The following MSRA variants were observed in gnomAD, a reference collection of about 807,000 sequenced individuals.
MSRA encodes the protein mitochondrial peptide methionine sulfoxide reductase.
In MSRA, 54 loss-of-function variants were observed where a neutral mutation model predicts 31.3. The ratio of observed to expected loss-of-function variants is 1.73; its 90% CI spans 1.39 to 2.17. The LOEUF (loss-of-function observed/expected upper bound fraction) is 2.17, where lower values mean the gene tolerates loss of function less well. MSRA is among the 30% of genes most tolerant of loss of function. The pLI, the probability that MSRA is intolerant of heterozygous loss-of-function variation, is 0.00. For missense variants in MSRA, 507 were observed against 300.9 expected (o/e 1.69, Z -5.07); for synonymous variants, 169 against 116.5 (o/e 1.45, Z -2.90).
rs149490507 is a variant in MSRA, at chr8:10,233,280, A to G, written c.212-11824A>G. ...GCTTCTCTCTTCTTGCCTTCTGCCC[A>G]AGGTGACACACCCATGTGTGTGCAA... On this transcript the variant is annotated intron_variant, in intron 2 of 5. Transcript: ENST00000317173. Among the ~76,000 whole-genome samples the G allele has an allele frequency of 7.8e-3, 1,193 of 152,296 alleles. 20 individuals carry two copies. The highest frequency in any genetic ancestry group is 0.027 in the African/African-American group (1,109 of 41,554).
chr8:10,396,709 A>G (rs545444542), intron 5 of MSRA, among the ~76,000 whole-genome samples: 1 of 152,266 alleles, frequency 6.6e-6, no homozygotes, highest in East Asian at 1.9e-4. Flanking sequence ...AAATGTTTCC[A>G]CTTCCTTCTC....
intron 5 of MSRA, among the ~76,000 whole-genome samples, chr8:10,362,186 C>G (rs1804888870): frequency 6.6e-6 from 1 of 152,126 alleles, no homozygotes; most frequent in Non-Finnish European, 1.5e-5. Context: ...CACTGAGTTG[C>G]AGCAGTATTA....
At chr8:10,241,510 G>A (rs774154117) in intron 2 of MSRA, among the ~76,000 whole-genome samples, 1 of 152,214 alleles carries the variant, frequency 6.6e-6, no homozygotes, top group Non-Finnish European at 1.5e-5. Context: ...TATGTAAATG[G>A]ATGAAGCAAG....
At position 10,261,587 on chromosome 8, in the gene MSRA, A is replaced by T. The variant is rs573680397; in HGVS notation, c.331+16364A>T. ...TTAGAGCAATTTTAGGTTTAAGCAG[A>T]AAAAGTAAGCAGGAAGTACACAGAG... On this transcript the variant is annotated intron_variant, in intron 3 of 5. Coordinates refer to ENST00000317173, the MANE Select transcript of MSRA (RefSeq NM_012331.5). Among the ~76,000 whole-genome samples, 12 of 152,268 alleles carry T rather than the reference A, an allele frequency of 7.9e-5. No homozygotes were observed. In the East Asian group the frequency reaches 2.3e-3, roughly 29 times the overall value.
At chr8:10,273,176 G>C (rs757649223) in intron 3 of MSRA, among the ~76,000 whole-genome samples, 13 of 152,182 alleles carry the variant, frequency 8.5e-5, no homozygotes, top group Non-Finnish European at 1.8e-4. Flanking sequence ...CTAAGTTATA[G>C]TGAGTTGTTC....
At chr8:10,371,664 AGC>A (rs1805484879) in intron 5 of MSRA, among the ~76,000 whole-genome samples, 1 of 152,108 alleles carries the variant, frequency 6.6e-6, no homozygotes, top group Admixed American at 6.5e-5. Context: ...ACCGCCTGTT[AGC>A]TACCAGAAGC....
At chr8:10,314,651 G>A (rs1041889732) in intron 4 of MSRA, among the ~76,000 whole-genome samples, 1 of 152,292 alleles carries the variant, frequency 6.6e-6, no homozygotes, top group Admixed American at 6.5e-5. Flanking sequence ...CTATTTCTAG[G>A]TATGTACTCA....
intron 2 of MSRA, among the ~76,000 whole-genome samples, chr8:10,208,342 C>T (rs1809191946): frequency 6.6e-6 from 1 of 152,046 alleles, no homozygotes; most frequent in South Asian, 2.1e-4. Context: ...AAGCACGCTC[C>T]TTAAGAGAAA....
intron 3 of MSRA, among the ~76,000 whole-genome samples, chr8:10,274,540 C>T (rs1244880519): frequency 1.3e-5 from 2 of 152,190 alleles, no homozygotes; most frequent in Non-Finnish European, 2.9e-5. Flanking sequence ...AGGTCCATTC[C>T]AATCTGGAGA....
rs544504916 is a variant in MSRA, at chr8:10,116,467, C to T, written c.142+61809C>T. Among the ~76,000 whole-genome samples, 47 of 152,148 alleles carry T rather than the reference C, an allele frequency of 3.1e-4. 1 individual carries two copies. Among genetic ancestry groups the T allele is most frequent in the Non-Finnish European group, 5.6e-4 (38 of 68,018 alleles). On this transcript the variant is annotated intron_variant, in intron 1 of 5. Transcript: ENST00000317173. ...TCTTGAGCACCTCCTGTATGCTGAA[C>T]GCCATGCTACGCTCTGCGGTACAGA...
chr8:10,264,452 T>G (rs552482272), intron 3 of MSRA, among the ~76,000 whole-genome samples: 2 of 152,368 alleles, frequency 1.3e-5, no homozygotes, highest in Admixed American at 6.5e-5. Flanking sequence ...TTTTTCAAAA[T>G]TTTCTCTTTT....
rs79017833 is a variant in MSRA at position 10,302,336 on chromosome 8, T to C, written c.436+698T>C. Among the ~76,000 whole-genome samples the C allele has an allele frequency of 3.4e-3, 525 of 152,374 alleles. 2 individuals carry two copies. Among genetic ancestry groups the C allele is most frequent in the African/African-American group, 0.012 (503 of 41,588 alleles). The stretch of plus-strand genomic sequence containing the variant: ...ATCCCAGCAGCCTTGCAGGCCCTGC[T>C]TTGCCAGTGTGATGATCTGATATTA... On this transcript the variant is annotated intron_variant, in intron 4 of 5. Coordinates refer to ENST00000317173, the MANE Select transcript of MSRA (RefSeq NM_012331.5).
At chr8:10,219,691 A>T (rs13268583) in intron 2 of MSRA, among the ~76,000 whole-genome samples, 27,627 of 150,036 alleles carry the variant, frequency 0.18, 3,138 homozygotes, top group Admixed American at 0.25. Flanking sequence ...CTGTAGTCCC[A>T]GCTACTTGGG....
chr8:10,343,916 A>T (rs761342294), intron 5 of MSRA, among the ~76,000 whole-genome samples: 12 of 152,236 alleles, frequency 7.9e-5, no homozygotes, highest in Non-Finnish European at 1.3e-4. Flanking sequence ...GGTATCAATA[A>T]TGAATGAATC....
intron 5 of MSRA, among the ~76,000 whole-genome samples, chr8:10,424,490 C>G (rs1182040258): frequency 7.4e-6 from 1 of 134,514 alleles, no homozygotes; most frequent in Non-Finnish European, 1.6e-5. Context: ...GGAAGAAGGA[C>G]TCGGGATGGA....
At chr8:10,297,068 T>C (rs1018094396) in intron 3 of MSRA, among the ~76,000 whole-genome samples, 1 of 152,178 alleles carries the variant, frequency 6.6e-6, no homozygotes, top group Non-Finnish European at 1.5e-5. Flanking sequence ...CTGTAAACAT[T>C]GGTTGACTTA....
intron 4 of MSRA, among the ~76,000 whole-genome samples, chr8:10,313,310 C>T (rs1801537510): frequency 6.6e-6 from 1 of 152,188 alleles, no homozygotes; most frequent in Non-Finnish European, 1.5e-5. Flanking sequence ...GCCTAGGCCC[C>T]TGAAGAGTTC....
chr8:10,191,393 G>T (rs1807490517), intron 1 of MSRA, among the ~76,000 whole-genome samples: 1 of 152,078 alleles, frequency 6.6e-6, no homozygotes, highest in Non-Finnish European at 1.5e-5. Flanking sequence ...GGGAATTTTG[G>T]AAAAACATTT....
chr8:10,191,489 G>C (rs1453731711), intron 1 of MSRA, among the ~76,000 whole-genome samples: 1 of 152,180 alleles, frequency 6.6e-6, no homozygotes, highest in African/African-American at 2.4e-5. Context: ...CAATCCCCTG[G>C]ATAATGCAAA....
Sources: allele counts gnomAD v4.1 joint callset (sites outside exome capture counted in the v4.1 genomes callset), GRCh38; gene constraint gnomAD v4.1.1; transcripts MANE v1.5; gene names NCBI Gene and HGNC (gene_info 2026-07-23, HGNC 2026-07-21).